Variants in CCDC171 observed in about 807,000 individuals in gnomAD.
The protein encoded by CCDC171 is coiled-coil domain-containing protein 171.
CCDC171 carries 177 observed loss-of-function variants against 168.2 expected under a neutral mutation model. The observed-to-expected ratio is 1.05, with a 90% CI of 0.93 to 1.19. CCDC171 has a LOEUF of 1.19. Ranked by LOEUF, CCDC171 falls within the 50% of genes most tolerant of loss-of-function variation. The probability of loss-of-function intolerance (pLI) is 0.00; values close to 1 mark genes in which losing one functional copy is unlikely to be tolerated. For synonymous variants in CCDC171, 687 were observed against 540.8 expected (o/e 1.27, Z -3.75); for missense variants, 1,991 against 1,539.0 (o/e 1.29, Z -4.91).
intron 10 of CCDC171, among the ~76,000 whole-genome samples, chr9:15,690,156 C>T (rs572011503): frequency 6.6e-6 from 1 of 152,202 alleles, no homozygotes; most frequent in African/African-American, 2.4e-5. Flanking sequence ...TGTGGCACAT[C>T]TTTTAGTAGG....
intron 1 of CCDC171, among the ~76,000 whole-genome samples, chr9:15,560,660 C>A (rs1392640645): frequency 6.6e-6 from 1 of 152,084 alleles, no homozygotes; most frequent in African/African-American, 2.4e-5. Context: ...AGCTTCTTTG[C>A]GATGGGTTTG....
intron 4 of CCDC171, among the ~76,000 whole-genome samples, chr9:15,586,363 G>C (rs567975771): frequency 6.6e-6 from 1 of 152,160 alleles, no homozygotes; most frequent in Non-Finnish European, 1.5e-5. Flanking sequence ...ATGCAGTTAT[G>C]AGATAATCCC....
At chr9:15,960,431 A>G (rs1830229189) in intron 25 of CCDC171, among the ~76,000 whole-genome samples, 1 of 152,218 alleles carries the variant, frequency 6.6e-6, no homozygotes, top group Non-Finnish European at 1.5e-5. Context: ...GGGTTTAGGT[A>G]TCTTTATGCA....
intron 6 of CCDC171, among the ~76,000 whole-genome samples, chr9:15,596,972 T>C (rs560424745): frequency 1.3e-5 from 2 of 152,292 alleles, no homozygotes; most frequent in Admixed American, 6.5e-5. Context: ...ATAAGAATGC[T>C]TGTGATTTTT....
chr9:15,558,187 G>C (rs1452114747), intron 1 of CCDC171, among the ~76,000 whole-genome samples: 1 of 151,930 alleles, frequency 6.6e-6, no homozygotes, highest in African/African-American at 2.4e-5. Context: ...AGGGATATTG[G>C]CTAAAATTCT....
chr9:15,794,217 C>A (rs1196029672), intron 21 of CCDC171, among the ~76,000 whole-genome samples: 2 of 152,098 alleles, frequency 1.3e-5, no homozygotes, highest in Admixed American at 1.3e-4. Flanking sequence ...GTAATCCCAG[C>A]AGTTTTGGAG....
chr9:15,734,046 A>G (rs754927209), intron 16 of CCDC171, among the ~76,000 whole-genome samples: 13 of 152,110 alleles, frequency 8.5e-5, no homozygotes, highest in Non-Finnish European at 1.5e-4. Flanking sequence ...AAGTGTTGTG[A>G]TTACAAGCGT....
chr9:16,061,761 T>G (rs1833933457), downstream of CCDC171: 2 of 152,242 alleles, frequency 1.3e-5, 1 homozygote, highest in Non-Finnish European at 2.9e-5. Context: ...TCATCTCCAT[T>G]TTTACAGATA....
At position 15,664,371 on chromosome 9, in the gene CCDC171, C is replaced by G. The variant is rs150615534; in HGVS notation, c.916-1792C>G. ...TCAAGTGATCTGCCCGCCTCTGTCC[C>G]CCAAGTAGCCGGCATTACAAACGCG... On this transcript the variant is annotated intron_variant, in intron 8 of 25. Coordinates refer to ENST00000380701, the MANE Select transcript of CCDC171 (RefSeq NM_173550.4). 4.5e-3 allele frequency among the ~76,000 whole-genome samples: 686 copies of G among 152,246 alleles called. 4 individuals carry two copies. The highest frequency in any genetic ancestry group is 5.2e-3 in the Non-Finnish European group (355 of 68,018).
chr9:15,727,538 A>G (rs964717000), intron 14 of CCDC171, among the ~76,000 whole-genome samples: 3 of 152,202 alleles, frequency 2.0e-5, no homozygotes, highest in Non-Finnish European at 4.4e-5. Flanking sequence ...AGTCCAATCC[A>G]TATGCTTCGT....
intron 6 of CCDC171, among the ~76,000 whole-genome samples, chr9:15,594,889 C>G (rs1451560472): frequency 6.6e-6 from 1 of 151,990 alleles, no homozygotes; most frequent in East Asian, 1.9e-4. Context: ...AGAAAAAAAC[C>G]CATGAATCAA....
Position 15,623,509 on chromosome 9 carries a change from A to ACACACACACACACACACAC in CCDC171, c.822+96_822+97insCACACACACACACACACAC. The ACACACACACACACACACAC allele has an allele frequency of 3.1e-6, 2 of 646,438 alleles. 1 individual carries two copies. Among genetic ancestry groups the ACACACACACACACACACAC allele is most frequent in the East Asian group, 6.6e-5 (2 of 30,336 alleles). The allele number at this position is 646,438 out of a possible 1,614,324, so 40.0% of individuals were successfully genotyped here. A position where few individuals can be genotyped will look rare whatever the true frequency, so the allele number is the denominator to read the frequency against. ...CACACACACACACACACACACACAT[A>ACACACACACACACACACAC]AAACCCATTCCGTGATTTAAGATTG... On this transcript the variant is annotated intron_variant, in intron 7 of 25. Transcript: ENST00000380701.
intron 10 of CCDC171, among the ~76,000 whole-genome samples, chr9:15,684,659 A>G (rs2050260147): frequency 6.6e-6 from 1 of 152,204 alleles, no homozygotes; most frequent in African/African-American, 2.4e-5. Flanking sequence ...TATGAAACAA[A>G]CAAAAAAGAA....
chr9:15,630,614 C>T (rs868493395), intron 7 of CCDC171, among the ~76,000 whole-genome samples: 2 of 152,152 alleles, frequency 1.3e-5, no homozygotes, highest in East Asian at 3.8e-4. Context: ...TTAGACAGAT[C>T]AACTGGACAG....
chr9:15,753,020 T>C (rs2055861534), intron 18 of CCDC171, among the ~76,000 whole-genome samples: 2 of 152,172 alleles, frequency 1.3e-5, no homozygotes, highest in African/African-American at 4.8e-5. Flanking sequence ...TTCTTGTCAC[T>C]GTGTTATGTA....
At chr9:15,664,187 A>C (rs1030081523) in intron 8 of CCDC171, among the ~76,000 whole-genome samples, 1 of 152,164 alleles carries the variant, frequency 6.6e-6, no homozygotes, top group Non-Finnish European at 1.5e-5. Flanking sequence ...TGTTGGTTAC[A>C]CTAAAAATCC....
At chr9:15,641,265 TTAAC>T (rs922020508) in intron 7 of CCDC171, among the ~76,000 whole-genome samples, 3 of 152,202 alleles carry the variant, frequency 2.0e-5, no homozygotes, top group African/African-American at 7.2e-5. Context: ...GAGGAAATCA[TTAAC>T]TAGTATGTAC....
chr9:15,992,475 A>G (rs1433106888), intron 3 of CCDC171, among the ~76,000 whole-genome samples: 1 of 152,204 alleles, frequency 6.6e-6, no homozygotes, highest in African/African-American at 2.4e-5. Flanking sequence ...TGACAAACCC[A>G]TAGTCAATAT....
At chr9:15,623,475 G>GCGCGCGCGCGCACGCGCGCACACACACA in intron 7 of CCDC171, 62 bp downstream of exon 7, 71 of 315,456 alleles carry the variant, frequency 2.3e-4, no homozygotes, top group Non-Finnish European at 2.8e-4. Flanking sequence ...GCGCGCGCGC[G>GCGCGCGCGCGCACGCGCGCACACACACA]CACACACACA....
Sources: allele counts gnomAD v4.1 joint callset (sites outside exome capture counted in the v4.1 genomes callset), GRCh38; gene constraint gnomAD v4.1.1; transcripts MANE v1.5; gene names NCBI Gene and HGNC (gene_info 2026-07-23, HGNC 2026-07-21).